The following PTPRT variants were observed in gnomAD, a reference collection of about 807,000 sequenced individuals.
PTPRT encodes receptor-type tyrosine-protein phosphatase T.
A neutral mutation model predicts 176.8 loss-of-function variants in PTPRT; 56 were observed. That is an observed-to-expected ratio of 0.32 (90% CI 0.26 to 0.40). PTPRT has a LOEUF of 0.40. Among genes scored for constraint, PTPRT ranks in the 10% least tolerant of loss-of-function variants. The probability of loss-of-function intolerance (pLI) is 1.00; values close to 1 mark genes in which losing one functional copy is unlikely to be tolerated. For missense variants in PTPRT, 1,540 were observed against 1,908.2 expected (o/e 0.81, Z 3.60); for synonymous variants, 783 against 739.0 (o/e 1.06, Z -0.96).
chr20:42,624,784 CTATT>C (rs1486159037), intron 7 of PTPRT, among the ~76,000 whole-genome samples: 3 of 152,168 alleles, frequency 2.0e-5, no homozygotes, highest in Admixed American at 6.5e-5. Context: ...ATTCAGTTAG[CTATT>C]TATTTATTTA....
At chr20:42,335,597 G>T (rs1233812531) in intron 11 of PTPRT, among the ~76,000 whole-genome samples, 1 of 152,126 alleles carries the variant, frequency 6.6e-6, no homozygotes, top group Admixed American at 6.6e-5. Flanking sequence ...ACAGTAAGTA[G>T]CTCAAAATGA....
chr20:42,557,937 G>T (rs1015581700), intron 7 of PTPRT, among the ~76,000 whole-genome samples: 1 of 152,158 alleles, frequency 6.6e-6, no homozygotes, highest in Admixed American at 6.5e-5. Flanking sequence ...TTAAATGAAT[G>T]AATTACTTGT....
intron 2 of PTPRT, among the ~76,000 whole-genome samples, chr20:42,865,809 G>A (rs2078736663): frequency 6.6e-6 from 1 of 152,172 alleles, no homozygotes; most frequent in African/African-American, 2.4e-5. Flanking sequence ...AGAAGGGAAG[G>A]AGCTGGGTGC....
intron 7 of PTPRT, among the ~76,000 whole-genome samples, chr20:42,662,966 ATGTG>A (rs10548733): frequency 1.0e-3 from 154 of 147,976 alleles, no homozygotes; most frequent in African/African-American, 2.1e-3. Context: ...ACCTGAATAT[ATGTG>A]TGTGTGTGTG....
intron 1 of PTPRT, among the ~76,000 whole-genome samples, chr20:42,949,876 T>G (rs558053755): frequency 6.6e-6 from 1 of 152,322 alleles, no homozygotes; most frequent in Admixed American, 6.5e-5. Flanking sequence ...TTGATTTGCC[T>G]GTCTTTCTCC....
chr20:42,386,871 C>T (rs1254533383), intron 9 of PTPRT, among the ~76,000 whole-genome samples: 1 of 150,242 alleles, frequency 6.7e-6, no homozygotes, highest in Non-Finnish European at 1.5e-5. Flanking sequence ...AACAAACAAA[C>T]AAAAAAAAAG....
At chr20:42,708,016 T>A (rs944583429) in intron 6 of PTPRT, among the ~76,000 whole-genome samples, 1 of 152,292 alleles carries the variant, frequency 6.6e-6, no homozygotes, top group South Asian at 2.1e-4. Context: ...GGTAGGTACA[T>A]TCACTCCTTA....
chr20:42,496,478 C>G (rs916171795), intron 7 of PTPRT, among the ~76,000 whole-genome samples: 1 of 152,088 alleles, frequency 6.6e-6, no homozygotes, highest in African/African-American at 2.4e-5. Flanking sequence ...AATCTGTTTT[C>G]TGGCACCGCT....
chr20:42,270,527 C>T, intron 13 of PTPRT: 1 of 1,367,504 alleles, frequency 7.3e-7, no homozygotes. Context: ...TGAAAACGTG[C>T]AGCACGGTGA....
intron 1 of PTPRT, among the ~76,000 whole-genome samples, chr20:43,043,504 G>C (rs2146217116): frequency 6.6e-6 from 1 of 152,280 alleles, no homozygotes; most frequent in Admixed American, 6.5e-5. Context: ...CTTTGAGGAA[G>C]ATTTGAATGT....
At chr20:43,075,213 A>G (rs575644186) in intron 1 of PTPRT, among the ~76,000 whole-genome samples, 11 of 152,228 alleles carry the variant, frequency 7.2e-5, no homozygotes, top group Admixed American at 1.3e-4. Flanking sequence ...ATTTCTCACG[A>G]AAGTGTTGAG....
chr20:42,636,115 A>T (rs999985421), intron 7 of PTPRT, among the ~76,000 whole-genome samples: 9 of 152,138 alleles, frequency 5.9e-5, no homozygotes, highest in African/African-American at 1.9e-4. Context: ...GATTACTCTT[A>T]TACATGGTAA....
chr20:42,050,875 A>G, the PTPRT span, among the ~76,000 whole-genome samples: 1 of 152,222 alleles, frequency 6.6e-6, no homozygotes, highest in Non-Finnish European at 1.5e-5. Flanking sequence ...TGACATGTCA[A>G]AAGCAGGGCC....
At chr20:42,994,412 T>TTGTA (rs1044086927) in intron 1 of PTPRT, among the ~76,000 whole-genome samples, 1 of 152,202 alleles carries the variant, frequency 6.6e-6, no homozygotes, top group African/African-American at 2.4e-5. Context: ...GAAATCACCT[T>TTGTA]TGTATGTATG....
the PTPRT span, among the ~76,000 whole-genome samples, chr20:42,066,805 A>G: frequency 6.6e-6 from 1 of 152,156 alleles, no homozygotes; most frequent in East Asian, 1.9e-4. Flanking sequence ...ATTCACTATT[A>G]TATCCCCTTT....
intron 1 of PTPRT, among the ~76,000 whole-genome samples, chr20:43,089,090 T>C (rs1423938326): frequency 6.6e-6 from 1 of 152,164 alleles, no homozygotes; most frequent in Non-Finnish European, 1.5e-5. Flanking sequence ...GAGGGCCAAA[T>C]ACCACAGAAT....
chr20:42,413,602 G>T (rs2059037371), intron 9 of PTPRT, among the ~76,000 whole-genome samples: 1 of 152,092 alleles, frequency 6.6e-6, no homozygotes, highest in East Asian at 1.9e-4. Context: ...ATTTATTTCA[G>T]CTGTGCAAGA....
At chr20:42,129,878 C>T (rs1220549546) in intron 18 of PTPRT, among the ~76,000 whole-genome samples, 2 of 152,186 alleles carry the variant, frequency 1.3e-5, no homozygotes, top group East Asian at 1.9e-4. Context: ...CTGTTCCATC[C>T]CCTGCACCTT....
chr20:42,471,733 G>A (rs1191757143), intron 8 of PTPRT, among the ~76,000 whole-genome samples: 2 of 151,930 alleles, frequency 1.3e-5, no homozygotes, highest in Admixed American at 6.6e-5. Context: ...TCGGCTCACT[G>A]CAACCTCTGC....
Sources: gnomAD v4.1 joint callset for allele counts (sites outside exome capture counted in the v4.1 genomes callset) on GRCh38, gnomAD v4.1.1 for gene constraint, MANE v1.5 for transcripts, NCBI Gene and HGNC (gene_info 2026-07-23, HGNC 2026-07-21) for gene names.